Variants in UVRAG observed in about 807,000 individuals in gnomAD.
UVRAG encodes UV radiation resistance-associated gene protein.
Under a neutral mutation model 78.0 loss-of-function variants are expected in UVRAG, and 19 were observed. That is an observed-to-expected ratio of 0.24 (90% CI 0.17 to 0.36). UVRAG has a LOEUF of 0.36. UVRAG is among the 10% of genes least tolerant of loss of function. The pLI is 1.00. For synonymous variants in UVRAG, 323 were observed against 324.6 expected, an observed-to-expected ratio of 1.00 and a Z score of 0.05; for missense variants, 740 against 853.8, an observed-to-expected ratio of 0.87 and a Z score of 1.66.
chr11:75,889,532 G>A (rs895461449), intron 5 of UVRAG, among the ~76,000 whole-genome samples: 1 of 152,204 alleles, frequency 6.6e-6, no homozygotes, highest in African/African-American at 2.4e-5. Flanking sequence ...TGAAATTTCA[G>A]GTTGCCTGCC....
At chr11:76,132,155 TA>T (rs757393853) in intron 14 of UVRAG, among the ~76,000 whole-genome samples, 9 of 152,196 alleles carry the variant, frequency 5.9e-5, no homozygotes, top group Non-Finnish European at 1.0e-4. Context: ...GTTGACATGA[TA>T]TTGGCGCAGA....
At chr11:75,824,020 T>C (rs77722874) in intron 1 of UVRAG, among the ~76,000 whole-genome samples, 7 of 152,308 alleles carry the variant, frequency 4.6e-5, no homozygotes, top group Non-Finnish European at 7.4e-5. Flanking sequence ...TTTATTTGGA[T>C]ACCCTACTTT....
intron 13 of UVRAG, among the ~76,000 whole-genome samples, chr11:76,075,134 T>C (rs940086534): frequency 6.6e-6 from 1 of 152,180 alleles, no homozygotes; most frequent in African/African-American, 2.4e-5. Context: ...GCTTTTATTT[T>C]CATAATTCTT....
intron 6 of UVRAG, among the ~76,000 whole-genome samples, chr11:75,918,248 G>A (rs1376003498): frequency 6.6e-6 from 1 of 151,316 alleles, no homozygotes; most frequent in East Asian, 1.9e-4. Context: ...GCATGGTAGC[G>A]GGCGCCTGTA....
chr11:76,004,935 AC>A (rs999906406), intron 9 of UVRAG, among the ~76,000 whole-genome samples: 6 of 152,156 alleles, frequency 3.9e-5, no homozygotes, highest in Non-Finnish European at 7.3e-5. Flanking sequence ...ATTTTTTCCA[AC>A]ATATGCTTAA....
rs1323057480 is a variant in UVRAG, at chr11:75,912,051, C to T, written c.593+12C>T. 4.5e-6 allele frequency: 7 copies of T among 1,569,168 alleles called. No individual in the cohort carries two copies. The highest frequency in any genetic ancestry group is 6.1e-6 in the Non-Finnish European group (7 of 1,140,964). On this transcript the variant is annotated intron_variant, in intron 6 of 14. Transcript: ENST00000356136. ...TTCTCTTTGCTACGGTAAGAAACTT[C>T]TTAGATTGCCCTGAATTCTAAAGAA...
chr11:75,973,564 C>CT (rs111295380), intron 7 of UVRAG, among the ~76,000 whole-genome samples: 17,676 of 151,344 alleles, frequency 0.12, 2,536 homozygotes, highest in African/African-American at 0.34. Flanking sequence ...GGAATTGTTT[C>CT]TTTTTTTTTA....
chr11:75,994,880 T>C (rs1233784101), intron 8 of UVRAG, among the ~76,000 whole-genome samples: 2 of 152,240 alleles, frequency 1.3e-5, no homozygotes, highest in African/African-American at 4.8e-5. Context: ...TATTATAGTA[T>C]GGCTGAAGTG....
intron 7 of UVRAG, among the ~76,000 whole-genome samples, chr11:75,978,148 G>A (rs1949293273): frequency 6.6e-6 from 1 of 152,120 alleles, no homozygotes; most frequent in Non-Finnish European, 1.5e-5. Context: ...GGCTGGATAT[G>A]AAATTCCGGG....
chr11:76,123,455 A>G (rs568713794), intron 14 of UVRAG, among the ~76,000 whole-genome samples: 3 of 152,240 alleles, frequency 2.0e-5, no homozygotes, highest in Non-Finnish European at 2.9e-5. Flanking sequence ...AGTAGCCTAA[A>G]GCATATTTGC....
intron 6 of UVRAG, among the ~76,000 whole-genome samples, chr11:75,925,100 CTTTG>C (rs976514652): frequency 1.2e-3 from 184 of 152,300 alleles, no homozygotes; most frequent in African/African-American, 4.3e-3. Flanking sequence ...ACTAAGACTG[CTTTG>C]TTTGAGATGT....
intron 6 of UVRAG, among the ~76,000 whole-genome samples, chr11:75,943,796 A>G (rs1343510760): frequency 6.6e-6 from 1 of 152,106 alleles, no homozygotes; most frequent in Non-Finnish European, 1.5e-5. Context: ...TTTATAAGCA[A>G]TAGTATTGTC....
chr11:75,958,152 A>G (rs1389983073), intron 6 of UVRAG, among the ~76,000 whole-genome samples: 1 of 152,140 alleles, frequency 6.6e-6, no homozygotes, highest in Non-Finnish European at 1.5e-5. Flanking sequence ...GTGGCTGCTG[A>G]CTGATCAGAT....
chr11:75,953,027 A>G (rs80035496), intron 6 of UVRAG, among the ~76,000 whole-genome samples: 2,696 of 152,230 alleles, frequency 0.018, 73 homozygotes, highest in African/African-American at 0.061. Flanking sequence ...AGTTGAATTT[A>G]TTGGCATACA....
At position 75,857,908 on chromosome 11, in the gene UVRAG, T is replaced by G. The variant is rs142664871; in HGVS notation, c.236-3838T>G. 1.9e-3 allele frequency among the ~76,000 whole-genome samples: 292 copies of G among 152,188 alleles called. 1 individual carries two copies. Among genetic ancestry groups the G allele is most frequent in the African/African-American group, 6.6e-3 (273 of 41,518 alleles). The stretch of plus-strand genomic sequence containing the variant: ...CTTTTATAAATTGTGATTATTCTCC[T>G]CTGTCTTCTGTGCTTTATTTTTCTC... On this transcript the variant is annotated intron_variant, in intron 2 of 14. Coordinates refer to ENST00000356136, the MANE Select transcript of UVRAG (RefSeq NM_003369.4).
chr11:75,905,529 A>C (rs1261122624), intron 5 of UVRAG, among the ~76,000 whole-genome samples: 1 of 152,192 alleles, frequency 6.6e-6, no homozygotes, highest in East Asian at 1.9e-4. Context: ...TTTCATACAA[A>C]TTGAATTATG....
At chr11:76,064,648 A>G (rs1018659878) in intron 12 of UVRAG, among the ~76,000 whole-genome samples, 13 of 152,224 alleles carry the variant, frequency 8.5e-5, no homozygotes, top group Non-Finnish European at 1.0e-4. Context: ...TTTGGATACT[A>G]TATAGCCAGC....
intron 3 of UVRAG, among the ~76,000 whole-genome samples, chr11:75,867,520 A>AT (rs973378975): frequency 4.6e-5 from 7 of 152,100 alleles, no homozygotes; most frequent in Admixed American, 6.5e-5. Context: ...GAATTGACTC[A>AT]TTTTTTCTGT....
At chr11:75,824,401 T>TG (rs1945465619) in intron 1 of UVRAG, among the ~76,000 whole-genome samples, 1 of 152,034 alleles carries the variant, frequency 6.6e-6, no homozygotes, top group Non-Finnish European at 1.5e-5. Flanking sequence ...GAGTTTTTTT[T>TG]TTTTTGAAAG....
Sources: gnomAD v4.1 joint callset for allele counts (sites outside exome capture counted in the v4.1 genomes callset) on GRCh38, gnomAD v4.1.1 for gene constraint, MANE v1.5 for transcripts, NCBI Gene and HGNC (gene_info 2026-07-23, HGNC 2026-07-21) for gene names.